EIF4G3: variants seen among roughly 807,000 people sequenced by gnomAD.
The protein encoded by EIF4G3 is eukaryotic translation initiation factor 4 gamma 3.
EIF4G3 carries 34 observed loss-of-function variants against 186.4 expected under a neutral mutation model. That is an observed-to-expected ratio of 0.18 (90% CI 0.14 to 0.24). The LOEUF is 0.24. Ranked by LOEUF, EIF4G3 falls within the 10% of genes least tolerant of loss-of-function variation. The probability of loss-of-function intolerance (pLI) is 1.00; values close to 1 mark genes in which losing one functional copy is unlikely to be tolerated. For missense variants in EIF4G3, 1,536 were observed against 1,948.5 expected (o/e 0.79, Z 3.99); for synonymous variants, 673 against 679.5 (o/e 0.99, Z 0.15).
intron 33 of EIF4G3, among the ~76,000 whole-genome samples, chr1:20,821,799 A>T (rs1422437557): frequency 6.7e-6 from 1 of 149,384 alleles, no homozygotes; most frequent in Non-Finnish European, 1.5e-5. Context: ...TGTATACTTC[A>T]CCATCTTCCC....
chr1:20,909,391 A>G (rs2092809211), intron 14 of EIF4G3, among the ~76,000 whole-genome samples: 1 of 152,216 alleles, frequency 6.6e-6, no homozygotes, highest in Non-Finnish European at 1.5e-5. Context: ...CAGAAATGTT[A>G]CACAGTAAGT....
chr1:20,933,442 G>T (rs931552696), intron 14 of EIF4G3, among the ~76,000 whole-genome samples: 1 of 152,042 alleles, frequency 6.6e-6, no homozygotes, highest in Non-Finnish European at 1.5e-5. Context: ...GGATCACAAG[G>T]TCAGGAGTTT....
chr1:21,176,539 G>GGGGGCC (rs916060040), intron 1 of EIF4G3, among the ~76,000 whole-genome samples, 181 bp from the exon 2 acceptor site: 15 of 141,486 alleles, frequency 1.1e-4, no homozygotes, highest in Non-Finnish European at 2.2e-4. Flanking sequence ...AGGAGGAGGA[G>GGGGGCC]GGGGCCGGGG....
At chr1:20,821,437 A>C (rs1023739260) in intron 33 of EIF4G3, among the ~76,000 whole-genome samples, 10 of 152,220 alleles carry the variant, frequency 6.6e-5, no homozygotes, top group African/African-American at 2.4e-4. Context: ...CCTGGTGTTG[A>C]TAATGCATGT....
At chr1:20,951,499 A>G (rs2096217424) in intron 12 of EIF4G3, among the ~76,000 whole-genome samples, 1 of 152,174 alleles carries the variant, frequency 6.6e-6, no homozygotes, top group Non-Finnish European at 1.5e-5. Flanking sequence ...CTGAATCCTT[A>G]GTTTCAGTGG....
At chr1:21,049,688 T>A (rs2094103868) in intron 4 of EIF4G3, among the ~76,000 whole-genome samples, 1 of 152,152 alleles carries the variant, frequency 6.6e-6, no homozygotes, top group African/African-American at 2.4e-5. Flanking sequence ...AAGGCCAATC[T>A]GAGCAACATA....
intron 14 of EIF4G3, among the ~76,000 whole-genome samples, chr1:20,911,391 G>A (rs575393211): frequency 6.6e-5 from 10 of 151,518 alleles, no homozygotes; most frequent in African/African-American, 2.4e-4. Flanking sequence ...AAAAAAGTGA[G>A]ACCTCTACAA....
chr1:21,114,522 G>C (rs532666478), intron 2 of EIF4G3, among the ~76,000 whole-genome samples: 2 of 152,128 alleles, frequency 1.3e-5, no homozygotes, highest in Non-Finnish European at 2.9e-5. Context: ...AAATATCCAA[G>C]CATAAATAAC....
chr1:20,997,956 T>C (rs1345606676), intron 6 of EIF4G3, among the ~76,000 whole-genome samples: 33 of 149,966 alleles, frequency 2.2e-4, no homozygotes, highest in Non-Finnish European at 4.4e-5. Context: ...CAAAAGCAAG[T>C]TTGAAAAATT....
chr1:21,128,059 T>G (rs1481528563), intron 2 of EIF4G3, among the ~76,000 whole-genome samples: 1 of 150,710 alleles, frequency 6.6e-6, no homozygotes, highest in Non-Finnish European at 1.5e-5. Context: ...TACAAAAAAT[T>G]AGCCGGGCGT....
intron 33 of EIF4G3, among the ~76,000 whole-genome samples, chr1:20,822,600 T>C (rs1337322466): frequency 1.3e-5 from 2 of 150,566 alleles, no homozygotes; most frequent in African/African-American, 4.8e-5. Flanking sequence ...TTTTTTTTTT[T>C]TTTTGGTGAT....
chr1:21,032,780 TA>T (rs771360037), intron 4 of EIF4G3, among the ~76,000 whole-genome samples: 26 of 151,370 alleles, frequency 1.7e-4, no homozygotes, highest in African/African-American at 5.3e-4. Flanking sequence ...AAATAGCTTT[TA>T]AAAAAAACGG....
chr1:20,807,281 A>G lies in EIF4G3; in HGVS notation c.*38T>C, dbSNP rs764563737. The G allele has an allele frequency of 1.6e-5, 25 of 1,540,510 alleles. No individual in the cohort carries two copies. The highest frequency in any genetic ancestry group is 2.2e-5 in the Non-Finnish European group (25 of 1,136,068). ...CGTGAAACTTTTTAAAAAAATACTT[A>G]AATTGTTTCTTTTGTTTCATTTTGT... On this transcript the variant is annotated 3_prime_UTR_variant, in exon 37 of 37. Coordinates refer to ENST00000602326, the MANE Select transcript of EIF4G3 (RefSeq NM_001391906.1).
intron 2 of EIF4G3, among the ~76,000 whole-genome samples, chr1:21,173,990 C>CTA (rs1422028473): frequency 1.3e-5 from 2 of 152,154 alleles, no homozygotes; most frequent in Non-Finnish European, 2.9e-5. Flanking sequence ...AATCTACAAC[C>CTA]TATACTTCCT....
At chr1:20,914,798 A>C (rs1173353670) in intron 14 of EIF4G3, among the ~76,000 whole-genome samples, 1 of 152,206 alleles carries the variant, frequency 6.6e-6, no homozygotes, top group Non-Finnish European at 1.5e-5. Context: ...CTGATTTCCA[A>C]CTTGAATCCT....
chr1:20,905,117 A>C (rs777203999), intron 14 of EIF4G3, 146 bp from the exon 15 acceptor site: 9 of 602,348 alleles, frequency 1.5e-5, no homozygotes, highest in Non-Finnish European at 2.6e-5. Context: ...CAAGTGAACA[A>C]TTGTGTAGTA....
chr1:20,861,712 G>T (rs1054959398), intron 23 of EIF4G3, among the ~76,000 whole-genome samples: 1 of 152,170 alleles, frequency 6.6e-6, no homozygotes, highest in Non-Finnish European at 1.5e-5. Flanking sequence ...GGTGGCTCAC[G>T]CCTGTAATCC....
intron 3 of EIF4G3, among the ~76,000 whole-genome samples, chr1:21,075,802 C>T (rs577929691): frequency 3.9e-5 from 6 of 151,928 alleles, no homozygotes; most frequent in South Asian, 2.1e-4. Context: ...TACATATGCA[C>T]GTAACAAAAG....
intron 10 of EIF4G3, among the ~76,000 whole-genome samples, chr1:20,978,404 T>C (rs12096728): frequency 0.033 from 5,001 of 152,260 alleles, 273 homozygotes; most frequent in African/African-American, 0.11. Context: ...ATAAACATAT[T>C]TGAGACATTT....
Sources: gnomAD v4.1 joint callset for allele counts (sites outside exome capture counted in the v4.1 genomes callset) on GRCh38, gnomAD v4.1.1 for gene constraint, MANE v1.5 for transcripts, NCBI Gene and HGNC (gene_info 2026-07-23, HGNC 2026-07-21) for gene names.